The following ARHGAP6 variants were observed in gnomAD, a reference collection of about 807,000 sequenced individuals.
ARHGAP6 encodes Rho GTPase activating protein 6.
ARHGAP6 carries 16 observed loss-of-function variants against 55.7 expected under a neutral mutation model. That is an observed-to-expected ratio of 0.29 (90% CI 0.19 to 0.44). The LOEUF is 0.44. ARHGAP6 is among the 20% of genes least tolerant of loss of function. ARHGAP6 has a pLI of 1.00. For missense variants in ARHGAP6, 698 were observed against 808.9 expected, an observed-to-expected ratio of 0.86 and a Z score of 1.66; for synonymous variants, 382 against 360.9, an observed-to-expected ratio of 1.06 and a Z score of -0.66.
At chrX:11,185,056 A>G (rs777905935) in intron 5 of ARHGAP6, among the ~76,000 whole-genome samples, 4 of 112,098 alleles carry the variant, frequency 3.6e-5, no homozygotes, top group Non-Finnish European at 7.5e-5. Flanking sequence ...GTAAAGGTAC[A>G]GTAAAAATAC....
At chrX:11,610,587 A>T (rs1445357660) in intron 1 of ARHGAP6, among the ~76,000 whole-genome samples, 3 of 112,349 alleles carry the variant, frequency 2.7e-5, no homozygotes, top group African/African-American at 9.7e-5. Context: ...AAACATATGT[A>T]AATATATACA....
chrX:11,452,069 T>C (rs748411245), intron 1 of ARHGAP6, among the ~76,000 whole-genome samples: 6 of 112,781 alleles, frequency 5.3e-5, no homozygotes, highest in Non-Finnish European at 9.4e-5. Flanking sequence ...ACATTGTTCA[T>C]TCATTCATTA....
intron 2 of ARHGAP6, among the ~76,000 whole-genome samples, chrX:11,213,367 T>C (rs951845401): frequency 1.8e-5 from 2 of 112,413 alleles, no homozygotes; most frequent in East Asian, 5.6e-4. Context: ...CCAGCATATG[T>C]CACTCTATTC....
At chrX:11,519,993 T>G (rs1396167568) in intron 1 of ARHGAP6, among the ~76,000 whole-genome samples, 4 of 95,291 alleles carry the variant, frequency 4.2e-5, no homozygotes, top group African/African-American at 1.6e-4. Context: ...AAATGGGATC[T>G]AATTAAACTA....
Position 11,139,270 on chromosome X carries a change from A to G in ARHGAP6, c.2518T>C (p.Tyr840His), listed in dbSNP as rs1336079093. The G allele has an allele frequency of 7.4e-5, 88 of 1,192,660 alleles. No individual in the cohort carries two copies. Among genetic ancestry groups the G allele is most frequent in the Non-Finnish European group, 9.9e-5 (88 of 887,078 alleles). The change falls in exon 13 of 13, where the codon TAC becomes CAC. Residue 840 changes from tyrosine (Y) to histidine (H), a missense_variant. Transcript: ENST00000337414. ...TCGTGGGCGCCGCTCAGGGTCAAGTACTGCTCCGACCTGGCCGTGGGCCGC... is the reference window on the plus strand; with the variant it reads ...TCGTGGGCGCCGCTCAGGGTCAAGTGCTGCTCCGACCTGGCCGTGGGCCGC... Reference protein sequence around the residue: ...AERPTARSEQYLTLSGAHDLS... With the variant: ...AERPTARSEQHLTLSGAHDLS...
intron 1 of ARHGAP6, chrX:11,290,485 C>G (rs1483627652): frequency 3.3e-6 from 1 of 303,776 alleles, no homozygotes; most frequent in African/African-American, 3.1e-5. Flanking sequence ...CCAACTCTAC[C>G]CCAGCAAAAA....
At chrX:11,230,679 A>G (rs1460930087) in intron 2 of ARHGAP6, among the ~76,000 whole-genome samples, 2 of 106,491 alleles carry the variant, frequency 1.9e-5, no homozygotes, top group Non-Finnish European at 3.9e-5. Flanking sequence ...GTGTGTGTGT[A>G]TGTATATATG....
At chrX:11,226,531 G>T (rs986966765) in intron 2 of ARHGAP6, among the ~76,000 whole-genome samples, 2 of 111,487 alleles carry the variant, frequency 1.8e-5, no homozygotes, top group African/African-American at 6.5e-5. Context: ...AGTTTTGTGG[G>T]AGTTATTTAA....
At chrX:11,453,017 G>A (rs2050157627) in intron 1 of ARHGAP6, among the ~76,000 whole-genome samples, 1 of 109,493 alleles carries the variant, frequency 9.1e-6, no homozygotes, top group Non-Finnish European at 1.9e-5. Context: ...TTTATTAAAG[G>A]CATTTATTAA....
Position 11,138,716 on chromosome X carries a change from C to A in ARHGAP6, c.*147G>T. ...CAATGGCGGGGGCGTGAGTGCTCTACCTCTGTAGGTGAACTGGATTTCTCT... is the reference window on the plus strand; with the variant it reads ...CAATGGCGGGGGCGTGAGTGCTCTAACTCTGTAGGTGAACTGGATTTCTCT... On this transcript the variant is annotated 3_prime_UTR_variant, in exon 13 of 13. Transcript: ENST00000337414. The A allele has an allele frequency of 1.5e-6, 1 of 649,050 alleles. No individual in the cohort carries two copies. Among genetic ancestry groups the A allele is most frequent in the Non-Finnish European group, 2.3e-6 (1 of 435,805 alleles). 53.5% of individuals were successfully genotyped at this position (649,050 alleles called of 1,213,427 possible).
At chrX:11,618,162 G>A (rs774655145) in intron 1 of ARHGAP6, among the ~76,000 whole-genome samples, 49 of 111,256 alleles carry the variant, frequency 4.4e-4, no homozygotes, top group African/African-American at 1.5e-3. Context: ...ATAGAAGCTG[G>A]AATAGACAGT....
chrX:11,139,866 A>G (rs1480185441), intron 12 of ARHGAP6, among the ~76,000 whole-genome samples: 1 of 112,375 alleles, frequency 8.9e-6, no homozygotes, highest in Non-Finnish European at 1.9e-5. Context: ...TTCAGAATCC[A>G]GAAGGTGAAA....
intron 1 of ARHGAP6, among the ~76,000 whole-genome samples, chrX:11,656,576 T>C (rs1031525006): frequency 1.8e-5 from 2 of 111,801 alleles, no homozygotes; most frequent in Admixed American, 1.9e-4. Flanking sequence ...GGCTGCTTCC[T>C]CCATCTTCAA....
chrX:11,166,694 A>G (rs149839002), intron 9 of ARHGAP6, among the ~76,000 whole-genome samples: 46 of 112,243 alleles, frequency 4.1e-4, no homozygotes, highest in Non-Finnish European at 7.9e-4. Context: ...TATAAAAAGG[A>G]AGGAAGGGAA....
At chrX:11,163,347 A>G (rs914573164) in intron 9 of ARHGAP6, among the ~76,000 whole-genome samples, 10 of 112,289 alleles carry the variant, frequency 8.9e-5, no homozygotes, top group Non-Finnish European at 1.9e-5. Flanking sequence ...GCTATGAGGT[A>G]GTTTATTCCA....
At chrX:11,516,965 A>G (rs1471472111) in intron 1 of ARHGAP6, among the ~76,000 whole-genome samples, 1 of 111,618 alleles carries the variant, frequency 9.0e-6, no homozygotes. Context: ...TGTTTCTTGG[A>G]AAATAATCTT....
intron 2 of ARHGAP6, chrX:11,223,049 A>C (rs1220205727): frequency 2.5e-5 from 3 of 119,077 alleles, no homozygotes; most frequent in Admixed American, 9.4e-5. Context: ...TGCATTTTAA[A>C]TATCCTTCTG....
intron 1 of ARHGAP6, among the ~76,000 whole-genome samples, chrX:11,435,894 C>G (rs1234343597): frequency 1.8e-5 from 2 of 112,074 alleles, no homozygotes; most frequent in Non-Finnish European, 3.8e-5. Context: ...GCTACATTTT[C>G]CTGTGGTTTT....
chrX:11,607,278 T>C (rs1433871698), intron 1 of ARHGAP6, among the ~76,000 whole-genome samples: 1 of 111,978 alleles, frequency 8.9e-6, no homozygotes, highest in African/African-American at 3.2e-5. Flanking sequence ...TAGTCTGTCA[T>C]CTCAAGCAAT....
Sources: allele counts gnomAD v4.1 joint callset (sites outside exome capture counted in the v4.1 genomes callset), GRCh38; gene constraint gnomAD v4.1.1; transcripts MANE v1.5; gene names NCBI Gene and HGNC (gene_info 2026-07-23, HGNC 2026-07-21).